Variants in CORO2A observed in about 807,000 individuals in gnomAD.
CORO2A encodes the protein coronin 2A, also known as coronin-2A.
Under a neutral mutation model 62.4 loss-of-function variants are expected in CORO2A, and 47 were observed. The observed-to-expected ratio is 0.75, with a 90% CI of 0.60 to 0.96. The LOEUF is 0.96. CORO2A is among the 40% of genes least tolerant of loss of function. The probability of loss-of-function intolerance (pLI) is 0.00; values close to 1 mark genes in which losing one functional copy is unlikely to be tolerated. For synonymous variants in CORO2A, 273 were observed against 268.9 expected (o/e 1.02, Z -0.15); for missense variants, 610 against 684.1 (o/e 0.89, Z 1.21).
At chr9:98,171,319 T>C (rs780328226) in intron 1 of CORO2A, among the ~76,000 whole-genome samples, 1 of 152,196 alleles carries the variant, frequency 6.6e-6, no homozygotes, top group Non-Finnish European at 1.5e-5. Context: ...CCAGGGGTCC[T>C]GCATTCTGTT....
In CORO2A at chr9:98,121,022, T is replaced by C. The variant is rs1227522322; in HGVS notation, c.*3752A>G. ...TTATTATTTTGTTACATTATTTCCA[T>C]TGCATATTCCACATCTATTTATTTT... On this transcript the variant is annotated 3_prime_UTR_variant, in exon 12 of 12. Transcript: ENST00000375077. The C allele has an allele frequency of 2.0e-5, 3 of 152,254 alleles. No homozygotes were observed. Among genetic ancestry groups the C allele is most frequent in the Non-Finnish European group, 2.9e-5 (2 of 68,050 alleles). The allele number at this position is 152,254 out of a possible 1,614,324, so 9.4% of individuals were successfully genotyped here.
chr9:98,137,745 G>T (rs1010459566), intron 2 of CORO2A, 57 bp from the exon 3 acceptor site: 5 of 1,268,102 alleles, frequency 3.9e-6, no homozygotes, highest in Non-Finnish European at 5.8e-6. Context: ...TTAGCATCTG[G>T]ACAGTCACAT....
intron 4 of CORO2A, among the ~76,000 whole-genome samples, chr9:98,133,502 G>A (rs1827440440): frequency 6.6e-6 from 1 of 152,080 alleles, no homozygotes; most frequent in Non-Finnish European, 1.5e-5. Flanking sequence ...AGCTAATCCA[G>A]GCGGTTTCAG....
At chr9:98,141,342 A>AACGCTTAAGC (rs1827563742) in intron 2 of CORO2A, among the ~76,000 whole-genome samples, 1 of 144,810 alleles carries the variant, frequency 6.9e-6, no homozygotes, top group African/African-American at 2.6e-5. Context: ...CCATGGGACC[A>AACGCTTAAGC]CTGACCCTTT....
chr9:98,190,712 TA>T (rs1828295849), intron 1 of CORO2A, among the ~76,000 whole-genome samples: 2 of 152,324 alleles, frequency 1.3e-5, no homozygotes, highest in South Asian at 4.1e-4. Flanking sequence ...GCCATGCTCC[TA>T]AATCAGGCCA....
intron 4 of CORO2A, among the ~76,000 whole-genome samples, chr9:98,133,698 CAG>C (rs1827443244): frequency 6.6e-6 from 1 of 152,174 alleles, no homozygotes; most frequent in East Asian, 1.9e-4. Context: ...CCCATACAAA[CAG>C]ATGAGAAAGC....
chr9:98,126,684 A>G lies in CORO2A; in HGVS notation c.1311T>C (p.Asp437=), dbSNP rs1554741601. 5.0e-6 allele frequency: 8 copies of G among 1,614,090 alleles called. No individual in the cohort carries two copies. In the South Asian group the frequency reaches 7.7e-5, roughly 16 times the overall value. The part of the protein sequence containing the change: ...LNQTEKLAAE[D]GWRSSSLLEE... ...CCAACAGGGAGGAAGACCTCCAGCC[A>G]TCTTCTGCAGCCAGCTTTTCTGTCT... is the stretch of plus-strand genomic sequence containing the variant. The change falls in exon 11 of 12, where the codon GAT becomes GAC. Residue 437 remains aspartate, a synonymous_variant. Transcript: ENST00000375077.
chr9:98,186,178 C>A (rs920106102), intron 1 of CORO2A, among the ~76,000 whole-genome samples: 8 of 152,200 alleles, frequency 5.3e-5, no homozygotes, highest in Non-Finnish European at 5.9e-5. Context: ...TGAGACTTCA[C>A]CTATCTGCTC....
At position 98,121,761 on chromosome 9, in the gene CORO2A, C is replaced by T. The variant is rs974455049; in HGVS notation, c.*3013G>A. ...CATGGGGACTGTAATGCCTGCCTGA[C>T]CTGTGTTAGAACAGCATGTGTCACT... On this transcript the variant is annotated 3_prime_UTR_variant, in exon 12 of 12. Transcript: ENST00000375077. The T allele has an allele frequency of 6.6e-6, 1 of 152,138 alleles. No homozygotes were observed. The highest frequency in any genetic ancestry group is 6.6e-5 in the Admixed American group (1 of 15,254). 9.4% of individuals were successfully genotyped at this position (152,138 alleles called of 1,614,324 possible).
At chr9:98,144,004 G>A (rs1308669628) in intron 2 of CORO2A, among the ~76,000 whole-genome samples, 1 of 152,158 alleles carries the variant, frequency 6.6e-6, no homozygotes, top group Non-Finnish European at 1.5e-5. Context: ...AGGAGTTCAA[G>A]AGCAGCCTGG....
chr9:98,163,640 G>T (rs1827917690), intron 1 of CORO2A, among the ~76,000 whole-genome samples: 1 of 152,102 alleles, frequency 6.6e-6, no homozygotes, highest in Non-Finnish European at 1.5e-5. Flanking sequence ...CAGGTGGGAA[G>T]TAGTCTGAGG....
At chr9:98,141,240 G>T (rs895612002) in intron 2 of CORO2A, among the ~76,000 whole-genome samples, 1 of 152,014 alleles carries the variant, frequency 6.6e-6, no homozygotes, top group Non-Finnish European at 1.5e-5. Flanking sequence ...ACAGGGGAGA[G>T]AGGTGCATGC....
At chr9:98,132,646 G>A (rs1367311429) in intron 5 of CORO2A, among the ~76,000 whole-genome samples, 1 of 152,232 alleles carries the variant, frequency 6.6e-6, no homozygotes, top group Non-Finnish European at 1.5e-5. Context: ...AGGACTAACA[G>A]CCCATTGTTG....
intron 1 of CORO2A, among the ~76,000 whole-genome samples, chr9:98,179,024 G>A (rs529330218): frequency 3.9e-5 from 6 of 152,302 alleles, no homozygotes; most frequent in Admixed American, 6.5e-5. Flanking sequence ...TCACAGTCTA[G>A]CTCTTTACCG....
At chr9:98,153,531 C>T (rs998671575) in intron 2 of CORO2A, among the ~76,000 whole-genome samples, 5 of 151,690 alleles carry the variant, frequency 3.3e-5, no homozygotes, top group Non-Finnish European at 4.4e-5. Flanking sequence ...TTCAGCCTCT[C>T]GTATAGCTGG....
intron 1 of CORO2A, among the ~76,000 whole-genome samples, chr9:98,159,211 A>T (rs1037013460): frequency 6.6e-6 from 1 of 152,038 alleles, no homozygotes; most frequent in African/African-American, 2.4e-5. Flanking sequence ...GGTACATGCC[A>T]CCATACCTGG....
intron 1 of CORO2A, among the ~76,000 whole-genome samples, chr9:98,164,448 T>C (rs138638360): frequency 6.6e-6 from 1 of 152,318 alleles, no homozygotes; most frequent in East Asian, 1.9e-4. Flanking sequence ...GCGAGTGGGA[T>C]ATCTGGCTCT....
chr9:98,155,084 C>T (rs1827784462), intron 2 of CORO2A, among the ~76,000 whole-genome samples: 1 of 152,132 alleles, frequency 6.6e-6, no homozygotes, highest in Non-Finnish European at 1.5e-5. Flanking sequence ...CTGTCATTTA[C>T]TAGTGTTAGA....
chr9:98,161,656 G>A (rs1827887599), intron 1 of CORO2A, among the ~76,000 whole-genome samples: 1 of 152,186 alleles, frequency 6.6e-6, no homozygotes, highest in Non-Finnish European at 1.5e-5. Context: ...AAAGGATAGA[G>A]CAGGTAAGAG....
Sources: allele counts gnomAD v4.1 joint callset (sites outside exome capture counted in the v4.1 genomes callset), GRCh38; gene constraint gnomAD v4.1.1; transcripts MANE v1.5; gene names NCBI Gene and HGNC (gene_info 2026-07-23, HGNC 2026-07-21).